Variants in PLBD2 observed in about 807,000 individuals in gnomAD.
PLBD2 encodes phospholipase B domain containing 2.
A neutral mutation model predicts 68.3 loss-of-function variants in PLBD2; 51 were observed. That is an observed-to-expected ratio of 0.75 (90% CI 0.60 to 0.94). The LOEUF is 0.94. PLBD2 is among the 40% of genes least tolerant of loss of function. The pLI, the probability that PLBD2 is intolerant of heterozygous loss-of-function variation, is 0.00. For synonymous variants in PLBD2, 314 were observed against 339.3 expected (o/e 0.93, Z 0.82); for missense variants, 729 against 792.2 (o/e 0.92, Z 0.96).
rs571481367 is a variant in PLBD2 at position 113,370,912 on chromosome 12, C to G, written c.384+1703C>G. On this transcript the variant is annotated intron_variant, in intron 2 of 11. Coordinates refer to ENST00000280800, the MANE Select transcript of PLBD2 (RefSeq NM_173542.4). ...TTCCATTGATGGCCTAACCAGTGGC[C>G]CAAAGGCAGAGCACCTGCCTGTAAT... Among the ~76,000 whole-genome samples the G allele has an allele frequency of 2.0e-5, 3 of 152,246 alleles. No homozygotes were observed. The East Asian group carries it at 5.8e-4, about 29-fold the overall frequency.
rs747422869 is a variant in PLBD2, at chr12:113,372,646, C to T, written c.385-3C>T. 6.2e-7 allele frequency: 1 copy of T among 1,612,922 alleles called. No individual in the cohort carries two copies. Among genetic ancestry groups the T allele is most frequent in the East Asian group, 2.2e-5 (1 of 44,852 alleles). On this transcript the variant is annotated splice_polypyrimidine_tract_variant and splice_region_variant and intron_variant, in intron 2 of 11. Coordinates refer to ENST00000280800, the MANE Select transcript of PLBD2 (RefSeq NM_173542.4). This position sits in a 1 kb window ranked among gnomAD's most constrained non-coding sequence, Gnocchi z 4.2. Reference sequence around the variant, plus strand: ...CTTGCCTCGCCCACCCCCTACCCCACAGCTCATCTACATGCACTGGATGAA... The same window carrying T: ...CTTGCCTCGCCCACCCCCTACCCCATAGCTCATCTACATGCACTGGATGAA...
rs1247412979 is a variant in PLBD2 at position 113,380,755 on chromosome 12, G to A, written c.870G>A (p.Pro290=). 8.4e-6 allele frequency: 13 copies of A among 1,550,364 alleles called. 1 individual carries two copies. Among genetic ancestry groups the A allele is most frequent in the African/African-American group, 4.1e-5 (3 of 73,072 alleles). The change falls in exon 6 of 12, where the codon CCG becomes CCA. Residue 290 remains proline, a synonymous_variant. Coordinates refer to ENST00000280800, the MANE Select transcript of PLBD2 (RefSeq NM_173542.4). ...QFREGPWGDY[P]LVPGNKLVFS... is the part of the protein sequence containing the mutation. ...GCTCTGCCTGCACAGGGGACTACCC[G>A]CTGGTTCCCGGCAACAAGCTGGTCT...
At chr12:113,364,306 G>T (rs1266466100) in intron 1 of PLBD2, among the ~76,000 whole-genome samples, 1 of 152,210 alleles carries the variant, frequency 6.6e-6, no homozygotes, top group Non-Finnish European at 1.5e-5. Context: ...TACTACTGGG[G>T]CTCGCGGCTG....
chr12:113,387,839 A>T lies in PLBD2; in HGVS notation c.1535A>T (p.Asn512Ile). The stretch of plus-strand genomic sequence containing the variant: ...GCTATCTCCGCCCGCTCCGACCTCA[A>T]CCCGGCCAATGGCTCCTACCCCTTC... Reference protein sequence around the residue: ...ENAISARSDLNPANGSYPFQA... With the variant: ...ENAISARSDLIPANGSYPFQA... The change falls in exon 11 of 12, where the codon AAC becomes ATC. Residue 512 changes from asparagine to isoleucine, a missense_variant. Physicochemically the swap from Asn to Ile is moderately radical, Grantham distance 149. Transcript: ENST00000280800. The T allele has an allele frequency of 6.2e-7, 1 of 1,614,082 alleles. No individual in the cohort carries two copies.
At chr12:113,385,063 G>T in intron 8 of PLBD2, 117 bp downstream of exon 8, 1 of 1,313,564 alleles carries the variant, frequency 7.6e-7, no homozygotes, top group South Asian at 1.3e-5. Flanking sequence ...GGTGTGGCTG[G>T]AAGAGAAGGT....
chr12:113,387,105 G>A lies in PLBD2; in HGVS notation c.1439+16G>A, dbSNP rs1199611779. 4 of 1,563,018 alleles carry A rather than the reference G, an allele frequency of 2.6e-6. No homozygotes were observed. In the African/African-American group the frequency reaches 4.2e-5, roughly 16 times the overall value. On this transcript the variant is annotated intron_variant, in intron 10 of 11. Transcript: ENST00000280800. Reference sequence around the variant, plus strand: ...GGCTGATGAGGTAGGTGCCAGTTGGGTGGTGGGTTGGGGAGAGGGAGGCCG... The same window carrying A: ...GGCTGATGAGGTAGGTGCCAGTTGGATGGTGGGTTGGGGAGAGGGAGGCCG...
chr12:113,385,283 C>T lies in PLBD2; in HGVS notation c.1286C>T (p.Pro429Leu), dbSNP rs757529097. The T allele has an allele frequency of 9.9e-6, 16 of 1,613,672 alleles. No homozygotes were observed. Among genetic ancestry groups the T allele is most frequent in the Admixed American group, 3.3e-5 (2 of 59,990 alleles). ...QKTYWASYNIPSFETVFNASG... is the reference protein window; with the variant it reads ...QKTYWASYNILSFETVFNASG... ...ACCTACTGGGCCAGCTACAACATAC[C>T]GTGCGTGCCTTCTCACTCCGCTCCC... Residue 429 changes from proline (P) to leucine (L), a missense_variant and splice_region_variant, in exon 9 of 12, where the codon CCG becomes CTG. Pro to Leu is a moderately conservative substitution (Grantham distance 98). Transcript: ENST00000280800.
rs1957261056 is a variant in PLBD2, at chr12:113,358,887, C to CTCT, written c.288_289insCTT (p.Thr96_Gly97insLeu). The CTCT allele has an allele frequency of 6.6e-7, 1 of 1,523,276 alleles. No homozygotes were observed. The highest frequency in any genetic ancestry group is 8.8e-7 in the Non-Finnish European group (1 of 1,137,632). The allele number at this position is 1,523,276 out of a possible 1,614,324, so 94.4% of individuals were successfully genotyped here. ...AACCTCACCAACGCCATCCGCGAGA[C>CTCT]TGGGTAAGGGTTGGCTTATCCCCAC... On this transcript the variant is annotated inframe_insertion, in exon 1 of 12. Coordinates refer to ENST00000280800, the MANE Select transcript of PLBD2 (RefSeq NM_173542.4).
chr12:113,380,718 C>G, intron 5 of PLBD2, 27 bp from the exon 6 acceptor site: 1 of 1,538,270 alleles, frequency 6.5e-7, no homozygotes, highest in Non-Finnish European at 8.8e-7. Flanking sequence ...GTCTGACCAG[C>G]ATCCCTGGCT....
chr12:113,372,549 C>A lies in PLBD2; in HGVS notation c.385-100C>A. 2 of 1,340,194 alleles carry A rather than the reference C, an allele frequency of 1.5e-6. No homozygotes were observed. The highest frequency in any genetic ancestry group is 2.1e-6 in the Non-Finnish European group (2 of 968,744). The allele number at this position is 1,340,194 out of a possible 1,614,324, so 83.0% of individuals were successfully genotyped here. A position where few individuals can be genotyped will look rare whatever the true frequency, so the allele number is the denominator to read the frequency against. On this transcript the variant is annotated intron_variant, in intron 2 of 11. Coordinates refer to ENST00000280800, the MANE Select transcript of PLBD2 (RefSeq NM_173542.4). The surrounding 1 kb of genome is among the most constrained non-coding windows in gnomAD (Gnocchi z 4.2). ...GCATGAGCAAGGACTCAGGTGGCCA[C>A]ACCAGCAGCCTCCGCTCTGGGGCAG... is the stretch of plus-strand genomic sequence containing the variant.
At chr12:113,369,327 A>G (rs1957369071) in intron 2 of PLBD2, 118 bp downstream of exon 2, 1 of 716,764 alleles carries the variant, frequency 1.4e-6, no homozygotes, top group Non-Finnish European at 2.1e-6. Context: ...ACAGCCCTTC[A>G]TCTATCTGGG....
At chr12:113,377,487 G>A (rs949225912) in intron 5 of PLBD2, among the ~76,000 whole-genome samples, 2 of 152,132 alleles carry the variant, frequency 1.3e-5, no homozygotes, top group Non-Finnish European at 2.9e-5. Flanking sequence ...GGGCAGTAGT[G>A]CAATCTCGGC....
chr12:113,363,382 G>C (rs148200746), intron 1 of PLBD2, among the ~76,000 whole-genome samples: 183 of 152,174 alleles, frequency 1.2e-3, no homozygotes, highest in African/African-American at 4.1e-3. Flanking sequence ...ACTGAGCTGT[G>C]ATCACGCCAG....
intron 2 of PLBD2, among the ~76,000 whole-genome samples, chr12:113,370,441 A>G (rs868652387): frequency 1.4e-5 from 2 of 147,224 alleles, no homozygotes; most frequent in South Asian, 2.2e-4. Context: ...TGTGTATCAG[A>G]TAGTACCTAG....
intron 10 of PLBD2, 139 bp downstream of exon 10, chr12:113,387,228 C>G (rs1957561371): frequency 9.3e-7 from 1 of 1,076,326 alleles, no homozygotes; most frequent in East Asian, 2.7e-5. Flanking sequence ...ATGTTGGACA[C>G]CAGTGCAGCA....
chr12:113,380,828 C>A lies in PLBD2; in HGVS notation c.943C>A (p.Leu315Met). ...TIFSCDDFYI[L>M]GSGLVTLETT... Reference sequence around the variant, plus strand: ...CTTCTCCTGCGACGACTTCTACATCCTGGGCAGTGGGCTGGTGAGTCCCTT... The same window carrying A: ...CTTCTCCTGCGACGACTTCTACATCATGGGCAGTGGGCTGGTGAGTCCCTT... The change falls in exon 6 of 12, where the codon CTG (leucine) becomes ATG (methionine). Residue 315 changes from leucine to methionine, a missense_variant. Physicochemically the swap from Leu to Met is conservative, Grantham distance 15. Coordinates refer to ENST00000280800, the MANE Select transcript of PLBD2 (RefSeq NM_173542.4). The A allele has an allele frequency of 6.4e-7, 1 of 1,555,802 alleles. No homozygotes were observed. The highest frequency in any genetic ancestry group is 8.7e-7 in the Non-Finnish European group (1 of 1,149,506).
chr12:113,378,173 T>A (rs1358414477), intron 5 of PLBD2, among the ~76,000 whole-genome samples: 1 of 151,974 alleles, frequency 6.6e-6, no homozygotes, highest in Non-Finnish European at 1.5e-5. Context: ...ACACCTGTAA[T>A]CCCAGCTACT....
At chr12:113,385,311 T>A in intron 9 of PLBD2, 28 bp downstream of exon 9, 1 of 1,606,442 alleles carries the variant, frequency 6.2e-7, no homozygotes, top group Non-Finnish European at 8.5e-7. Flanking sequence ...CCGCTCCCCG[T>A]CACCCTCCAG....
intron 5 of PLBD2, among the ~76,000 whole-genome samples, chr12:113,378,216 G>A (rs1055226301): frequency 6.6e-6 from 1 of 151,790 alleles, no homozygotes; most frequent in African/African-American, 2.4e-5. Context: ...TGCTTGAACC[G>A]CGAAGGCAGA....
Sources: allele counts gnomAD v4.1 joint callset (sites outside exome capture counted in the v4.1 genomes callset), GRCh38; gene constraint gnomAD v4.1.1; non-coding constraint Gnocchi (gnomAD v3.1); transcripts MANE v1.5; gene names NCBI Gene and HGNC (gene_info 2026-07-23, HGNC 2026-07-21).